The following CRPPA variants were observed in gnomAD, a reference collection of about 807,000 sequenced individuals.
CRPPA encodes the protein D-ribitol-5-phosphate cytidylyltransferase.
Under a neutral mutation model 52.0 loss-of-function variants are expected in CRPPA, and 43 were observed. The observed-to-expected ratio is 0.83, with a 90% confidence interval of 0.65 to 1.07. The LOEUF is 1.07. Among genes scored for constraint, CRPPA ranks in the 50% least tolerant of loss-of-function variants. CRPPA has a pLI of 0.00. For missense variants in CRPPA, 629 were observed against 551.7 expected (o/e 1.14, Z -1.40); for synonymous variants, 250 against 203.5 (o/e 1.23, Z -1.94).
intron 3 of CRPPA, among the ~76,000 whole-genome samples, chr7:16,333,605 T>C (rs974130574): frequency 1.3e-5 from 2 of 152,188 alleles, no homozygotes; most frequent in Non-Finnish European, 2.9e-5. Flanking sequence ...ATAAATTATC[T>C]AAGCTTCCAC....
chr7:16,273,914 G>A (rs1298772513), intron 6 of CRPPA, among the ~76,000 whole-genome samples: 1 of 152,182 alleles, frequency 6.6e-6, no homozygotes, highest in African/African-American at 2.4e-5. Flanking sequence ...CCTGTCCCAT[G>A]AGAGGTGGAG....
At chr7:16,278,957 A>G (rs1183120454) in intron 5 of CRPPA, among the ~76,000 whole-genome samples, 1 of 152,168 alleles carries the variant, frequency 6.6e-6, no homozygotes, top group Non-Finnish European at 1.5e-5. Flanking sequence ...ACAAAGTTCA[A>G]CCATGGGCTG....
chr7:16,275,074 T>TA (rs35395112), intron 6 of CRPPA, among the ~76,000 whole-genome samples: 10 of 150,724 alleles, frequency 6.6e-5, no homozygotes, highest in Non-Finnish European at 1.2e-4. Flanking sequence ...AGACAGTGTC[T>TA]AAAAAAAAAT....
intron 9 of CRPPA, among the ~76,000 whole-genome samples, chr7:16,099,707 T>G (rs914536052): frequency 2.6e-5 from 4 of 152,152 alleles, no homozygotes; most frequent in African/African-American, 9.7e-5. Context: ...GAACAAACAG[T>G]TCATTATTGC....
intron 8 of CRPPA, among the ~76,000 whole-genome samples, chr7:16,242,776 A>T (rs971109334): frequency 6.6e-6 from 1 of 152,300 alleles, no homozygotes; most frequent in South Asian, 2.1e-4. Context: ...AATTAAAAAA[A>T]AATTTTTTTC....
intron 3 of CRPPA, among the ~76,000 whole-genome samples, chr7:16,334,385 T>C (rs949127654): frequency 2.6e-5 from 4 of 152,086 alleles, no homozygotes; most frequent in African/African-American, 7.2e-5. Context: ...GGAATACCCA[T>C]AGAGGGAGAA....
chr7:16,421,371 C>T lies in CRPPA; in HGVS notation c.-49G>A. 8.2e-7 allele frequency: 1 copy of T among 1,219,102 alleles called. No homozygotes were observed. 75.5% of individuals were successfully genotyped at this position (1,219,102 alleles called of 1,614,324 possible). On this transcript the variant is annotated 5_prime_UTR_variant, in exon 1 of 10. Coordinates refer to ENST00000407010, the MANE Select transcript of CRPPA (RefSeq NM_001101426.4). The stretch of plus-strand genomic sequence containing the variant: ...CCGCTAGCCTCGGGCCGATGCGACC[C>T]CGCGCTGCTCCCACCCTCGGCCGGG...
At chr7:16,132,547 A>T (rs1267565081) in intron 9 of CRPPA, among the ~76,000 whole-genome samples, 1 of 124,908 alleles carries the variant, frequency 8.0e-6, no homozygotes, top group East Asian at 3.5e-4. Flanking sequence ...AGAAAGAGGT[A>T]GAAAGTGGAA....
At chr7:16,101,517 T>G (rs1782044384) in intron 9 of CRPPA, among the ~76,000 whole-genome samples, 1 of 152,170 alleles carries the variant, frequency 6.6e-6, no homozygotes, top group African/African-American at 2.4e-5. Flanking sequence ...ATTTTTTTAT[T>G]GCATCTATAT....
chr7:16,334,275 G>A lies in CRPPA; in HGVS notation c.685-25648C>T, dbSNP rs368992939. 5.8e-4 allele frequency among the ~76,000 whole-genome samples: 89 copies of A among 152,190 alleles called. 1 individual carries two copies. Among genetic ancestry groups the A allele is most frequent in the African/African-American group, 2.1e-3 (88 of 41,514 alleles). On this transcript the variant is annotated intron_variant, in intron 3 of 9. Coordinates refer to ENST00000407010, the MANE Select transcript of CRPPA (RefSeq NM_001101426.4). ...ACAGGTCAGCGATTATGTGCACAGG[G>A]GGCACTTGGGCCCACCTAATCCTAG...
chr7:16,266,245 G>A (rs892393524), intron 6 of CRPPA: 1 of 152,170 alleles, frequency 6.6e-6, no homozygotes, highest in African/African-American at 2.4e-5. Context: ...TCAAAGTAAT[G>A]TCAAGTGCTT....
At chr7:16,273,376 T>G (rs1784132143) in intron 6 of CRPPA, among the ~76,000 whole-genome samples, 1 of 149,388 alleles carries the variant, frequency 6.7e-6, no homozygotes, top group African/African-American at 2.5e-5. Context: ...GGCAGCAGAG[T>G]GGAACAGCAG....
At chr7:16,285,030 A>C (rs1057031625) in intron 5 of CRPPA, among the ~76,000 whole-genome samples, 1 of 152,196 alleles carries the variant, frequency 6.6e-6, no homozygotes, top group African/African-American at 2.4e-5. Context: ...CATGAAGCAC[A>C]AAATTCTTTC....
chr7:16,237,086 C>T (rs995686541), intron 8 of CRPPA, among the ~76,000 whole-genome samples: 3 of 152,050 alleles, frequency 2.0e-5, no homozygotes, highest in East Asian at 1.9e-4. Context: ...TCTAATCTTC[C>T]GTATCTTACT....
intron 9 of CRPPA, among the ~76,000 whole-genome samples, chr7:16,212,992 T>A (rs527815476): frequency 1.5e-4 from 23 of 152,350 alleles, no homozygotes; most frequent in African/African-American, 3.8e-4. Context: ...TTAGATATTT[T>A]ACAGGCTTTA....
chr7:16,321,040 T>C (rs978163655), intron 3 of CRPPA, among the ~76,000 whole-genome samples: 1 of 152,062 alleles, frequency 6.6e-6, no homozygotes, highest in African/African-American at 2.4e-5. Flanking sequence ...TGCCTATCAG[T>C]GGGGAAAAAA....
intron 6 of CRPPA, among the ~76,000 whole-genome samples, chr7:16,274,297 C>T (rs1160287929): frequency 6.6e-6 from 1 of 152,106 alleles, no homozygotes; most frequent in African/African-American, 2.4e-5. Flanking sequence ...ATCCGCCCAC[C>T]TCGGATCCCA....
chr7:16,183,406 G>A (rs966333204), intron 9 of CRPPA, among the ~76,000 whole-genome samples: 1 of 152,150 alleles, frequency 6.6e-6, no homozygotes, highest in Non-Finnish European at 1.5e-5. Flanking sequence ...CCTTTTCTGG[G>A]AGCCACACAG....
chr7:16,252,930 T>C (rs931196224), intron 8 of CRPPA, among the ~76,000 whole-genome samples: 6 of 151,850 alleles, frequency 4.0e-5, no homozygotes, highest in African/African-American at 1.4e-4. Context: ...AGTTTGTATT[T>C]CTGTGGGATC....
Sources: gnomAD v4.1 joint callset for allele counts (sites outside exome capture counted in the v4.1 genomes callset) on GRCh38, gnomAD v4.1.1 for gene constraint, MANE v1.5 for transcripts, NCBI Gene and HGNC (gene_info 2026-07-23, HGNC 2026-07-21) for gene names.